LHFPL6: variants seen among roughly 807,000 people sequenced by gnomAD.
The protein encoded by LHFPL6 is LHFPL tetraspan subfamily member 6.
Under a neutral mutation model 20.6 loss-of-function variants are expected in LHFPL6, and 9 were observed. That is an observed-to-expected ratio of 0.44 (90% CI 0.26 to 0.76). The LOEUF (loss-of-function observed/expected upper bound fraction) is 0.76, where lower values mean the gene tolerates loss of function less well. LHFPL6 is among the 30% of genes least tolerant of loss of function. The pLI, the probability that LHFPL6 is intolerant of heterozygous loss-of-function variation, is 0.20. For missense variants in LHFPL6, 218 were observed against 253.5 expected (o/e 0.86, Z 0.95); for synonymous variants, 105 against 98.7 (o/e 1.06, Z -0.38).
intron 3 of LHFPL6, among the ~76,000 whole-genome samples, chr13:39,367,353 T>G (rs1870040364): frequency 6.6e-6 from 1 of 152,134 alleles, no homozygotes; most frequent in South Asian, 2.1e-4. Flanking sequence ...ATGTATCCCC[T>G]GAATCTAAAA....
chr13:39,419,623 T>A (rs1024331875), intron 2 of LHFPL6, among the ~76,000 whole-genome samples: 2 of 152,234 alleles, frequency 1.3e-5, no homozygotes, highest in Non-Finnish European at 2.9e-5. Flanking sequence ...AAGTTCATGA[T>A]TCTTTCTAAA....
chr13:39,524,136 G>A lies in LHFPL6; in HGVS notation c.385+76696C>T, dbSNP rs569454180. ...TAGAAGCCTAGATAAAGGGAAGAAA[G>A]GGGCTAAGGGACATAGGAATGCCAC... On this transcript the variant is annotated intron_variant, in intron 2 of 3. Coordinates refer to ENST00000379589, the MANE Select transcript of LHFPL6 (RefSeq NM_005780.3). 3.3e-5 allele frequency among the ~76,000 whole-genome samples: 5 copies of A among 152,242 alleles called. No individual in the cohort carries two copies. In the South Asian group the frequency reaches 8.3e-4, roughly 25 times the overall value.
At chr13:39,463,684 A>C (rs1872737373) in intron 2 of LHFPL6, among the ~76,000 whole-genome samples, 1 of 152,190 alleles carries the variant, frequency 6.6e-6, no homozygotes, top group Non-Finnish European at 1.5e-5. Flanking sequence ...CAATTAGGCA[A>C]GTGAGGAGAG....
At chr13:39,572,702 T>C (rs1176394940) in intron 2 of LHFPL6, among the ~76,000 whole-genome samples, 2 of 152,162 alleles carry the variant, frequency 1.3e-5, no homozygotes, top group Non-Finnish European at 2.9e-5. Flanking sequence ...TTTCCTTTAA[T>C]CGTCACCTTC....
intron 3 of LHFPL6, among the ~76,000 whole-genome samples, chr13:39,369,236 C>T (rs1335147793): frequency 6.6e-6 from 1 of 151,936 alleles, no homozygotes; most frequent in Non-Finnish European, 1.5e-5. Flanking sequence ...CCCACAATTG[C>T]TTGAATTTCC....
intron 2 of LHFPL6, among the ~76,000 whole-genome samples, chr13:39,526,254 G>A (rs1267952297): frequency 1.3e-5 from 2 of 152,154 alleles, no homozygotes; most frequent in African/African-American, 4.8e-5. Context: ...AATTCTAGTT[G>A]ATCTGAAACG....
chr13:39,602,505 T>TGGCCTGCGGGCAGGGGGC (rs1358838371), intron 1 of LHFPL6, among the ~76,000 whole-genome samples: 2 of 151,944 alleles, frequency 1.3e-5, no homozygotes, highest in Admixed American at 1.3e-4. Context: ...CAGCAGGGGG[T>TGGCCTGCGGGCAGGGGGC]GGCCTGCGGG....
chr13:39,457,656 A>C (rs1269967720), intron 2 of LHFPL6, among the ~76,000 whole-genome samples: 1 of 152,200 alleles, frequency 6.6e-6, no homozygotes, highest in Non-Finnish European at 1.5e-5. Context: ...AATGACAAAA[A>C]TCAGGTATGT....
chr13:39,456,848 G>A (rs4943666), intron 2 of LHFPL6, among the ~76,000 whole-genome samples: 62,925 of 151,434 alleles, frequency 0.42, 15,183 homozygotes, highest in Non-Finnish European at 0.54. Context: ...CCAGGCTGGA[G>A]TGCAATGGCG....
At position 39,601,165 on chromosome 13, in the gene LHFPL6, G is replaced by C. The variant is rs766366577; in HGVS notation, c.52C>G (p.Leu18Val). 4.3e-6 allele frequency: 7 copies of C among 1,613,950 alleles called. No individual in the cohort carries two copies. The African/African-American group carries it at 9.3e-5, about 22-fold the overall frequency. ...CCCACGCAGGAGGTGGCAGCACAAA[G>C]AAAAGACAGCAAAGCCCAGATTACT... ...TGVIWALLSF[L>V]CAATSCVGFF... Residue 18 changes from leucine to valine, a missense_variant, in exon 2 of 4, where the codon CTT (leucine) becomes GTT (valine). By Grantham distance (32) the Leu-to-Val change is conservative. Coordinates refer to ENST00000379589, the MANE Select transcript of LHFPL6 (RefSeq NM_005780.3).
chr13:39,440,322 C>T lies in LHFPL6; in HGVS notation c.386-61796G>A, dbSNP rs139799224. The stretch of plus-strand genomic sequence containing the variant: ...GAGCCCAGAGCTTTGGTGTGGTCTA[C>T]ACTCTGTTTAAAAAACAGTGAGCAG... On this transcript the variant is annotated intron_variant, in intron 2 of 3. Coordinates refer to ENST00000379589, the MANE Select transcript of LHFPL6 (RefSeq NM_005780.3). Among the ~76,000 whole-genome samples the T allele has an allele frequency of 1.2e-4, 18 of 152,250 alleles. No homozygotes were observed. In the East Asian group the frequency reaches 2.1e-3, roughly 18 times the overall value.
At chr13:39,405,609 C>T (rs1422278404) in intron 2 of LHFPL6, among the ~76,000 whole-genome samples, 1 of 152,214 alleles carries the variant, frequency 6.6e-6, no homozygotes, top group African/African-American at 2.4e-5. Flanking sequence ...GAACAGACAA[C>T]TTCTGAGCAG....
At chr13:39,514,822 G>A (rs182914446) in intron 2 of LHFPL6, among the ~76,000 whole-genome samples, 6 of 152,302 alleles carry the variant, frequency 3.9e-5, no homozygotes, top group Admixed American at 2.0e-4. Context: ...CATGATTGAC[G>A]TAGAAACTTT....
intron 2 of LHFPL6, among the ~76,000 whole-genome samples, chr13:39,449,070 G>C (rs969080659): frequency 1.3e-5 from 2 of 152,308 alleles, no homozygotes; most frequent in Admixed American, 6.5e-5. Context: ...ATAGGGCAAG[G>C]GAGGTGCTAC....
At chr13:39,407,843 C>T (rs1272318575) in intron 2 of LHFPL6, among the ~76,000 whole-genome samples, 1 of 152,106 alleles carries the variant, frequency 6.6e-6, no homozygotes, top group Non-Finnish European at 1.5e-5. Context: ...TTTAATTAGC[C>T]ATCAATAAAT....
At chr13:39,552,913 GA>G (rs1871183193) in intron 2 of LHFPL6, among the ~76,000 whole-genome samples, 1 of 152,184 alleles carries the variant, frequency 6.6e-6, no homozygotes, top group Admixed American at 6.5e-5. Flanking sequence ...ACTTATTCTG[GA>G]GGTGGTGACC....
intron 2 of LHFPL6, among the ~76,000 whole-genome samples, chr13:39,446,269 GTGTA>G (rs1270465402): frequency 6.6e-6 from 1 of 152,168 alleles, no homozygotes; most frequent in Non-Finnish European, 1.5e-5. Flanking sequence ...CTTATCTTTT[GTGTA>G]TGTATCTATG....
intron 3 of LHFPL6, among the ~76,000 whole-genome samples, chr13:39,356,850 T>C (rs1217493810): frequency 1.3e-5 from 2 of 152,256 alleles, no homozygotes; most frequent in East Asian, 3.9e-4. Flanking sequence ...AATAATGAGT[T>C]CTGAAATTGA....
intron 2 of LHFPL6, among the ~76,000 whole-genome samples, chr13:39,535,438 A>G (rs1870587996): frequency 1.3e-5 from 2 of 152,242 alleles, no homozygotes; most frequent in African/African-American, 4.8e-5. Context: ...TAACTATTAC[A>G]TTATTAAGTA....
Sources: gnomAD v4.1 joint callset for allele counts (sites outside exome capture counted in the v4.1 genomes callset) on GRCh38, gnomAD v4.1.1 for gene constraint, MANE v1.5 for transcripts, NCBI Gene and HGNC (gene_info 2026-07-23, HGNC 2026-07-21) for gene names.